SCGB2B2: variants seen among roughly 807,000 people sequenced by gnomAD.
SCGB2B2 encodes secretoglobin-like protein.
A neutral mutation model predicts 7.6 loss-of-function variants in SCGB2B2; 11 were observed. The observed-to-expected ratio is 1.45, with a 90% confidence interval of 0.91 to 2.40. The LOEUF (loss-of-function observed/expected upper bound fraction) is 2.40, where lower values mean the gene tolerates loss of function less well. Among genes scored for constraint, SCGB2B2 ranks in the 30% most tolerant of loss-of-function variants. SCGB2B2 has a pLI of 0.00. For missense variants in SCGB2B2, 104 were observed against 115.4 expected (o/e 0.90, Z 0.45); for synonymous variants, 50 against 48.6 (o/e 1.03, Z -0.12).
chr19:34,637,289 A>G lies in SCGB2B2; in HGVS notation c.-2032+38341T>C, dbSNP rs141386470. On this transcript the variant is annotated intron_variant, in intron 1 of 3. Coordinates refer to ENST00000601241, the MANE Select transcript of SCGB2B2 (RefSeq NM_001025591.4). ...CCTGCAAGGCCTTAGGGCACCAGGT[A>G]GTGGGGCTGCCTGGGGAGGGGACAG... is the stretch of plus-strand genomic sequence containing the variant. Among the ~76,000 whole-genome samples the G allele has an allele frequency of 1.1e-3, 165 of 152,328 alleles. No individual in the cohort carries two copies. In the East Asian group the frequency reaches 0.023, roughly 21 times the overall value.
At chr19:34,667,858 T>C (rs1465665470) in intron 1 of SCGB2B2, among the ~76,000 whole-genome samples, 2 of 152,076 alleles carry the variant, frequency 1.3e-5, no homozygotes, top group African/African-American at 4.8e-5. Context: ...TGGGTGGAGC[T>C]TCCCCTGCTG....
intron 1 of SCGB2B2, chr19:34,634,847 G>T: frequency 4.0e-6 from 1 of 248,896 alleles, no homozygotes. Context: ...TGCACACATA[G>T]GGCCTTTCAC....
At chr19:34,587,490 A>G (rs977931386), downstream of SCGB2B2, among the ~76,000 whole-genome samples, 1 of 152,142 alleles carries the variant, frequency 6.6e-6, no homozygotes, top group Non-Finnish European at 1.5e-5. Flanking sequence ...ACAATTTGAC[A>G]TCCTCCTTTC....
intron 1 of SCGB2B2, among the ~76,000 whole-genome samples, chr19:34,673,644 A>G (rs2067854169): frequency 6.6e-6 from 1 of 152,224 alleles, no homozygotes; most frequent in African/African-American, 2.4e-5. Context: ...GAATAAAAAA[A>G]ATTATTACAG....
intron 1 of SCGB2B2, among the ~76,000 whole-genome samples, chr19:34,624,199 T>C (rs1047954976): frequency 6.6e-6 from 1 of 152,106 alleles, no homozygotes; most frequent in Non-Finnish European, 1.5e-5. Context: ...CCAGCAAAAA[T>C]ACAATTTGTC....
chr19:34,614,163 GA>G (rs796708562), intron 1 of SCGB2B2, among the ~76,000 whole-genome samples: 5 of 152,184 alleles, frequency 3.3e-5, no homozygotes, highest in African/African-American at 1.2e-4. Flanking sequence ...CCAGACTTGA[GA>G]TTTTTTTGCA....
Position 34,592,786 on chromosome 19 carries a change from A to C in SCGB2B2, c.*769T>G, listed in dbSNP as rs1259860178. Among the ~76,000 whole-genome samples the C allele has an allele frequency of 6.6e-6, 1 of 152,166 alleles. No individual in the cohort carries two copies. The highest frequency in any genetic ancestry group is 1.5e-5 in the Non-Finnish European group (1 of 68,022). On this transcript the variant is annotated 3_prime_UTR_variant, in exon 4 of 4. Coordinates refer to ENST00000601241, the MANE Select transcript of SCGB2B2 (RefSeq NM_001025591.4). Reference sequence around the variant, plus strand: ...CATGGCCACACAGACCCATGGCCTCATGCAGATTGCCTGGTCCCACCAGCC... The same window carrying C: ...CATGGCCACACAGACCCATGGCCTCCTGCAGATTGCCTGGTCCCACCAGCC...
chr19:34,669,889 G>C (rs1171528367), intron 1 of SCGB2B2, among the ~76,000 whole-genome samples: 1 of 152,216 alleles, frequency 6.6e-6, no homozygotes, highest in Non-Finnish European at 1.5e-5. Flanking sequence ...TGCTGGTCAG[G>C]AGGCAGGAGC....
intron 1 of SCGB2B2, among the ~76,000 whole-genome samples, chr19:34,623,535 C>T (rs1600053289): frequency 6.6e-6 from 1 of 152,162 alleles, no homozygotes; most frequent in East Asian, 1.9e-4. Context: ...CCCATGGATC[C>T]AGAGGAGCTA....
downstream of SCGB2B2, among the ~76,000 whole-genome samples, chr19:34,589,646 A>C (rs941172501): frequency 2.0e-5 from 3 of 152,124 alleles, no homozygotes; most frequent in Non-Finnish European, 4.4e-5. Context: ...ACACAGGCTC[A>C]GTGGAGAAGG....
rs556570347 is a variant in SCGB2B2 at position 34,664,682 on chromosome 19, C to T, written c.-2032+10948G>A. 1.7e-4 allele frequency among the ~76,000 whole-genome samples: 26 copies of T among 152,252 alleles called. No homozygotes were observed. The South Asian group carries it at 4.6e-3, about 27-fold the overall frequency. ...TCACTGTTCCAGCAAACTCCTTGTCCGGAAGCTCTAGGGCCCCGGCCACTG... is the reference window on the plus strand; with the variant it reads ...TCACTGTTCCAGCAAACTCCTTGTCTGGAAGCTCTAGGGCCCCGGCCACTG... On this transcript the variant is annotated intron_variant, in intron 1 of 3. Coordinates refer to ENST00000601241, the MANE Select transcript of SCGB2B2 (RefSeq NM_001025591.4).
chr19:34,641,058 AATAC>A (rs1186659609), intron 1 of SCGB2B2, among the ~76,000 whole-genome samples: 9 of 140,476 alleles, frequency 6.4e-5, no homozygotes, highest in African/African-American at 2.5e-4. Context: ...TGTGATGGTG[AATAC>A]TTAATCACCA....
chr19:34,658,849 A>G (rs1048475749), intron 1 of SCGB2B2, among the ~76,000 whole-genome samples: 2 of 148,638 alleles, frequency 1.3e-5, no homozygotes, highest in East Asian at 4.0e-4. Flanking sequence ...AGAGAATTTT[A>G]GGCCAATATC....
intron 1 of SCGB2B2, among the ~76,000 whole-genome samples, chr19:34,669,055 G>A (rs184836783): frequency 6.6e-6 from 1 of 152,232 alleles, no homozygotes; most frequent in African/African-American, 2.4e-5. Context: ...TTTATGAGCT[G>A]TAACACTCAC....
chr19:34,624,532 A>C (rs990164607), intron 1 of SCGB2B2, among the ~76,000 whole-genome samples: 1 of 152,204 alleles, frequency 6.6e-6, no homozygotes, highest in Non-Finnish European at 1.5e-5. Flanking sequence ...CCAGGCTGTA[A>C]AAACTCCCTC....
chr19:34,673,031 C>T (rs1346899600), intron 1 of SCGB2B2, among the ~76,000 whole-genome samples: 1 of 152,146 alleles, frequency 6.6e-6, no homozygotes, highest in African/African-American at 2.4e-5. Context: ...ACAGCTTCTG[C>T]ATCAGAGTAA....
chr19:34,634,600 A>G (rs537111966), intron 1 of SCGB2B2, among the ~76,000 whole-genome samples: 1 of 152,334 alleles, frequency 6.6e-6, no homozygotes, highest in Admixed American at 6.5e-5. Context: ...ATGTGGACCA[A>G]GCAGACAGCA....
chr19:34,591,248 G>A lies in SCGB2B2; in HGVS notation c.*2307C>T, dbSNP rs1322385352. On this transcript the variant is annotated 3_prime_UTR_variant, in exon 4 of 4. Coordinates refer to ENST00000601241, the MANE Select transcript of SCGB2B2 (RefSeq NM_001025591.4). ...TTTGCCCTAAACCTGCTCCTCCCCA[G>A]GCTTCACCTTCTCAGCAGTGGCATC... Among the ~76,000 whole-genome samples, 1 of 152,168 alleles carries A rather than the reference G, an allele frequency of 6.6e-6. No homozygotes were observed. Among genetic ancestry groups the A allele is most frequent in the Non-Finnish European group, 1.5e-5 (1 of 68,028 alleles).
chr19:34,625,546 C>T (rs940370690), intron 1 of SCGB2B2, among the ~76,000 whole-genome samples: 2 of 152,172 alleles, frequency 1.3e-5, no homozygotes, highest in African/African-American at 4.8e-5. Flanking sequence ...TGAGATCAAA[C>T]TGCAAGGCAG....
Sources: gnomAD v4.1 joint callset for allele counts (sites outside exome capture counted in the v4.1 genomes callset) on GRCh38, gnomAD v4.1.1 for gene constraint, MANE v1.5 for transcripts, NCBI Gene and HGNC (gene_info 2026-07-23, HGNC 2026-07-21) for gene names.